The following FSCN2 variants were observed in gnomAD, a reference collection of about 807,000 sequenced individuals.
The protein encoded by FSCN2 is fascin actin-bundling protein 2, retinal.
In FSCN2, 46 loss-of-function variants were observed where a neutral mutation model predicts 37.8. The ratio of observed to expected loss-of-function variants is 1.22; its 90% CI spans 0.96 to 1.56. The LOEUF is 1.56. FSCN2 is among the 40% of genes most tolerant of loss of function. The pLI is 0.00. For synonymous variants in FSCN2, 351 were observed against 309.4 expected, an observed-to-expected ratio of 1.13 and a Z score of -1.41; for missense variants, 844 against 730.4, an observed-to-expected ratio of 1.16 and a Z score of -1.79.
intron 1 of FSCN2, among the ~76,000 whole-genome samples, chr17:81,529,789 C>A (rs1016109200): frequency 2.0e-5 from 3 of 152,192 alleles, no homozygotes; most frequent in Non-Finnish European, 2.9e-5. Flanking sequence ...TCTTTTTCTC[C>A]ACCCCATTTT....
chr17:81,520,160 A>AG, the FSCN2 span, among the ~76,000 whole-genome samples: 1 of 151,470 alleles, frequency 6.6e-6, no homozygotes, highest in Non-Finnish European at 1.5e-5. Flanking sequence ...GGAAAGTCAG[A>AG]GGGGGCACTG....
rs1426630171 is a variant in FSCN2, at chr17:81,531,692, G to A, written c.826+2335G>A. Among the ~76,000 whole-genome samples the A allele has an allele frequency of 9.4e-4, 128 of 135,586 alleles. 2 individuals are homozygous for A. Among genetic ancestry groups the A allele is most frequent in the African/African-American group, 4.0e-3 (121 of 30,560 alleles). The allele number at this position is 135,586 out of a possible 152,430, so 88.9% of individuals were successfully genotyped here. The stretch of plus-strand genomic sequence containing the variant: ...TGATGGTGATGATGATGGTGATGAT[G>A]GTGATGGTGATGATGATAGTGATGG... On this transcript the variant is annotated intron_variant, in intron 1 of 4. Transcript: ENST00000417245.
At chr17:81,532,134 ATGGTGATGATGG>A (rs1598575576) in intron 1 of FSCN2, among the ~76,000 whole-genome samples, 1 of 122,294 alleles carries the variant, frequency 8.2e-6, no homozygotes, top group East Asian at 2.7e-4. Context: ...GATGATAGTG[ATGGTGATGATGG>A]TGATGGTGAT....
intron 1 of FSCN2, among the ~76,000 whole-genome samples, chr17:81,531,321 ATGG>A (rs1568077143): frequency 1.3e-4 from 11 of 86,570 alleles, no homozygotes; most frequent in Admixed American, 7.8e-4. Flanking sequence ...GGTGGTGATG[ATGG>A]TGGTGGTGGT....
chr17:81,522,069 C>T, the FSCN2 span, among the ~76,000 whole-genome samples: 4 of 152,184 alleles, frequency 2.6e-5, no homozygotes, highest in Middle Eastern at 3.4e-3. Flanking sequence ...TAGAGTGGCA[C>T]GATCTCGGCT....
chr17:81,518,498 T>C, the FSCN2 span, among the ~76,000 whole-genome samples: 1 of 152,060 alleles, frequency 6.6e-6, no homozygotes, highest in Non-Finnish European at 1.5e-5. Context: ...AGAGGAAGGC[T>C]AGGCCGATTC....
At chr17:81,525,930 C>T (rs1345024616), upstream of FSCN2, among the ~76,000 whole-genome samples, 4 of 152,176 alleles carry the variant, frequency 2.6e-5, no homozygotes, top group Non-Finnish European at 5.9e-5. Flanking sequence ...GGAAGCCTGG[C>T]CCAGGCGCCC....
chr17:81,528,952 G>A lies in FSCN2; in HGVS notation c.421G>A (p.Ala141Thr). 6.3e-7 allele frequency: 1 copy of A among 1,590,382 alleles called. No individual in the cohort carries two copies. The highest frequency in any genetic ancestry group is 8.5e-7 in the Non-Finnish European group (1 of 1,172,572). Residue 141 changes from alanine to threonine, a missense_variant, in exon 1 of 5, where the codon GCC becomes ACC. Ala to Thr is a moderately conservative substitution (Grantham distance 58). Transcript: ENST00000417245. ...CGTGCACCTGGCCATCCACCCGCAGGCCCACCTGCTGAGCGTGAGCCGGCG... is the reference window on the plus strand; with the variant it reads ...CGTGCACCTGGCCATCCACCCGCAGACCCACCTGCTGAGCGTGAGCCGGCG... ...WTVHLAIHPQ[A>T]HLLSVSRRRY...
chr17:81,528,310 G>A (rs904906444), upstream of FSCN2: 13 of 572,616 alleles, frequency 2.3e-5, no homozygotes, highest in Admixed American at 6.1e-5. Context: ...TCTCTGATCC[G>A]CCCTCCCCGC....
intron 1 of FSCN2, among the ~76,000 whole-genome samples, chr17:81,531,444 ATGGTGGTGGTGATGG>A (rs2032587229): frequency 9.0e-5 from 5 of 55,746 alleles, no homozygotes; most frequent in African/African-American, 3.7e-4. Context: ...GATGGTGGTG[ATGGTGGTGGTGATGG>A]TGATGATGGT....
In FSCN2 at chr17:81,536,608, G is replaced by A. The variant is rs757863366; in HGVS notation, c.1106-14G>A. The A allele has an allele frequency of 4.2e-5, 68 of 1,606,902 alleles. No individual in the cohort carries two copies. Among genetic ancestry groups the A allele is most frequent in the Middle Eastern group, 1.6e-4 (1 of 6,082 alleles). ...TGGCGGGAGGGGCAGCGCAGCAGAC[G>A]CTCTCCCCGCCAGGCAAGGACGAAG... On this transcript the variant is annotated splice_polypyrimidine_tract_variant and intron_variant, in intron 3 of 4. Coordinates refer to ENST00000417245, the MANE Select transcript of FSCN2 (RefSeq NM_012418.4).
chr17:81,536,951 C>G lies in FSCN2; in HGVS notation c.1350C>G (p.Val450=). 1 of 1,563,758 alleles carries G rather than the reference C, an allele frequency of 6.4e-7. No homozygotes were observed. ...CSDGERAEDF[V]FEFRERGRLA... is the part of the protein sequence containing the mutation. ...ACGGCGAACGCGCCGAGGACTTCGT[C>G]TTCGAGTTCCGTGAGCGCGGCCGCC... The change falls in exon 5 of 5, where the codon GTC becomes GTG. Residue 450 remains valine (V), a synonymous_variant. Coordinates refer to ENST00000417245, the MANE Select transcript of FSCN2 (RefSeq NM_012418.4).
At position 81,529,011 on chromosome 17, in the gene FSCN2, G is replaced by T. The variant is rs782686169; in HGVS notation, c.480G>T (p.Glu160Asp). The stretch of plus-strand genomic sequence containing the variant: ...TGCACCTGTGCCCGCGGGAGGACGA[G>T]ATGGCCGCAGACGGAGACAAGCCCT... ...RYVHLCPRED[E>D]MAADGDKPWG... Residue 160 changes from glutamate to aspartate, a missense_variant, in exon 1 of 5, where the codon GAG becomes GAT. Transcript: ENST00000417245. 1 of 1,585,056 alleles carries T rather than the reference G, an allele frequency of 6.3e-7. No homozygotes were observed.
Position 81,528,844 on chromosome 17 carries a change from G to T in FSCN2, c.313G>T (p.Glu105Ter). 1 of 1,555,102 alleles carries T rather than the reference G, an allele frequency of 6.4e-7. No homozygotes were observed. ...QPDGRWVLRS[E>*]PHGRFFGGTE... Reference sequence around the variant, plus strand: ...AGATGGGCGCTGGGTGCTGCGGTCCGAGCCGCACGGCCGCTTCTTCGGAGG... The same window carrying T: ...AGATGGGCGCTGGGTGCTGCGGTCCTAGCCGCACGGCCGCTTCTTCGGAGG... The change falls in exon 1 of 5, where the codon GAG (glutamate) becomes TAG (stop). Residue 105 changes from glutamate (E) to a stop codon, truncating the protein, a stop_gained. Coordinates refer to ENST00000417245, the MANE Select transcript of FSCN2 (RefSeq NM_012418.4). LOFTEE classifies it high-confidence loss of function.
chr17:81,523,245 A>AGCAG, the FSCN2 span, among the ~76,000 whole-genome samples: 1 of 152,224 alleles, frequency 6.6e-6, no homozygotes, highest in Admixed American at 6.5e-5. Context: ...GGATTCTCGG[A>AGCAG]GCAGGCAGGC....
At chr17:81,532,199 G>GATA (rs2032683586) in intron 1 of FSCN2, among the ~76,000 whole-genome samples, 1 of 147,400 alleles carries the variant, frequency 6.8e-6, no homozygotes, top group African/African-American at 2.6e-5. Context: ...TGATGGTGGT[G>GATA]GTGGTGATGA....
upstream of FSCN2, chr17:81,527,181 C>CT (rs2032376692): frequency 6.6e-6 from 1 of 152,580 alleles, no homozygotes; most frequent in Non-Finnish European, 1.5e-5. Context: ...AGGCCCCTTG[C>CT]TTTTGGCTAG....
At chr17:81,516,051 G>C in the FSCN2 span, among the ~76,000 whole-genome samples, 1 of 152,242 alleles carries the variant, frequency 6.6e-6, no homozygotes, top group Non-Finnish European at 1.5e-5. Flanking sequence ...CACCATGTTG[G>C]CCAGGCTGGC....
intron 1 of FSCN2, chr17:81,529,681 C>T (rs782604239): frequency 5.0e-6 from 3 of 596,116 alleles, no homozygotes; most frequent in South Asian, 2.9e-5. Context: ...GTGGGCCAGG[C>T]GATGGGCAGT....
Sources: allele counts gnomAD v4.1 joint callset (sites outside exome capture counted in the v4.1 genomes callset), GRCh38; gene constraint gnomAD v4.1.1; transcripts MANE v1.5; gene names NCBI Gene and HGNC (gene_info 2026-07-23, HGNC 2026-07-21).